KIAA1549: variants seen among roughly 807,000 people sequenced by gnomAD.
KIAA1549 encodes the protein KIAA1549.
A neutral mutation model predicts 156.4 loss-of-function variants in KIAA1549; 70 were observed. The observed-to-expected ratio is 0.45, with a 90% CI of 0.37 to 0.55. KIAA1549 has a LOEUF of 0.55. Ranked by LOEUF, KIAA1549 falls within the 20% of genes least tolerant of loss-of-function variation. The pLI, the probability that KIAA1549 is intolerant of heterozygous loss-of-function variation, is 0.00. For missense variants in KIAA1549, 2,428 were observed against 2,540.9 expected (o/e 0.96, Z 0.96); for synonymous variants, 1,103 against 1,066.4 (o/e 1.03, Z -0.67).
At chr7:138,944,321 T>G (rs1036163333) in intron 1 of KIAA1549, among the ~76,000 whole-genome samples, 3 of 152,182 alleles carry the variant, frequency 2.0e-5, no homozygotes, top group African/African-American at 7.2e-5. Flanking sequence ...TAATATCATT[T>G]GTCATCAAGG....
intron 3 of KIAA1549, 117 bp downstream of exon 3, chr7:138,912,253 CAA>C (rs1294383356): frequency 1.1e-5 from 8 of 754,476 alleles, no homozygotes; most frequent in Non-Finnish European, 1.6e-5. Context: ...CAGGAACAGA[CAA>C]GAGGGAAGAG....
chr7:138,871,508 A>G, intron 12 of KIAA1549, 146 bp from the exon 13 acceptor site: 1 of 629,010 alleles, frequency 1.6e-6, no homozygotes, highest in South Asian at 2.3e-5. Context: ...AGTGTTTACA[A>G]TTTCACTCTC....
chr7:138,969,581 GT>G (rs1159952171), intron 1 of KIAA1549, among the ~76,000 whole-genome samples: 2 of 151,722 alleles, frequency 1.3e-5, no homozygotes, highest in Non-Finnish European at 2.9e-5. Flanking sequence ...GGTTATATGA[GT>G]TTTGTTTTTT....
intron 6 of KIAA1549, 144 bp from the exon 7 acceptor site, chr7:138,905,225 A>G: frequency 1.6e-6 from 1 of 637,874 alleles, no homozygotes; most frequent in Non-Finnish European, 2.8e-6. Flanking sequence ...GGACGTGGAC[A>G]GTAGCCATTT....
chr7:138,937,570 T>A (rs191995344), intron 1 of KIAA1549, among the ~76,000 whole-genome samples: 18 of 152,216 alleles, frequency 1.2e-4, no homozygotes, highest in African/African-American at 4.1e-4. Flanking sequence ...AGCAAGATGC[T>A]GTGATGGACA....
chr7:138,905,600 T>G (rs2130455436), intron 6 of KIAA1549, among the ~76,000 whole-genome samples: 1 of 152,364 alleles, frequency 6.6e-6, no homozygotes, highest in South Asian at 2.1e-4. Flanking sequence ...CTTTTTAGTT[T>G]AATTAACAAT....
chr7:138,891,192 C>T (rs894129330), intron 10 of KIAA1549, among the ~76,000 whole-genome samples: 3 of 152,232 alleles, frequency 2.0e-5, no homozygotes, highest in Admixed American at 6.5e-5. Context: ...GTAACTGAGC[C>T]GGATCTGGTG....
intron 10 of KIAA1549, among the ~76,000 whole-genome samples, chr7:138,889,536 G>T (rs561458741): frequency 6.6e-6 from 1 of 152,230 alleles, no homozygotes; most frequent in South Asian, 2.1e-4. Context: ...TGCGACACAG[G>T]GTCCCTCAAG....
At chr7:138,923,267 G>A (rs1812612841) in intron 1 of KIAA1549, among the ~76,000 whole-genome samples, 3 of 152,220 alleles carry the variant, frequency 2.0e-5, no homozygotes. Flanking sequence ...AAATAGAAGG[G>A]TTATTGCCTC....
rs773386529 is a variant in KIAA1549, at chr7:138,918,711, C to T, written c.915G>A (p.Gly305=). 2.5e-6 allele frequency: 4 copies of T among 1,613,706 alleles called. No homozygotes were observed. Among genetic ancestry groups the T allele is most frequent in the African/African-American group, 2.7e-5 (2 of 74,920 alleles). ...CCTCCTCTGGAGGCTGTGAGACCTC[C>T]CCCAAGGAGGGCAACGGTATAGTAA... ...DGITIPLPSL[G]EVSQPPEEVW... is the part of the protein sequence containing the mutation. Residue 305 remains glycine, a synonymous_variant, in exon 2 of 20, where the codon GGG becomes GGA. Transcript: ENST00000422774. This position sits in a 1 kb window ranked among gnomAD's most constrained non-coding sequence, Gnocchi z 4.2.
intron 1 of KIAA1549, among the ~76,000 whole-genome samples, chr7:138,941,677 G>A (rs1813188199): frequency 6.6e-6 from 1 of 152,204 alleles, no homozygotes; most frequent in Non-Finnish European, 1.5e-5. Flanking sequence ...TACTGACCCT[G>A]AGAAACCCTC....
chr7:138,863,804 T>C (rs1810657429), intron 15 of KIAA1549, among the ~76,000 whole-genome samples: 1 of 152,106 alleles, frequency 6.6e-6, no homozygotes, highest in South Asian at 2.1e-4. Context: ...TATGAGTCCA[T>C]TTCTCCCAAC....
intron 1 of KIAA1549, among the ~76,000 whole-genome samples, chr7:138,927,953 C>T (rs979282884): frequency 1.4e-5 from 2 of 147,852 alleles, no homozygotes; most frequent in Non-Finnish European, 3.0e-5. Context: ...CAGAGTCTTG[C>T]TCTGTCGCCC....
Position 138,919,091 on chromosome 7 carries a change from T to C in KIAA1549, c.535A>G (p.Thr179Ala), listed in dbSNP as rs753242957. The change falls in exon 2 of 20, where the codon ACA (threonine) becomes GCA (alanine). Residue 179 changes from threonine to alanine, a missense_variant. Thr to Ala is a moderately conservative substitution (Grantham distance 58). Around this residue, in one of 5 missense-constraint regions of KIAA1549, gnomAD observed 893 missense variants for 847.9 expected, o/e 1.05. Transcript: ENST00000422774. ...PRMVSPIQYI[T>A]VSPPGLPREA... The stretch of plus-strand genomic sequence containing the variant: ...CTGGGCAGCCCTGGTGGGCTGACTG[T>C]GATATACTGTATTGGAGAAACCATC... 1.2e-6 allele frequency: 2 copies of C among 1,614,016 alleles called. No individual in the cohort carries two copies. The highest frequency in any genetic ancestry group is 1.7e-6 in the Non-Finnish European group (2 of 1,179,878).
intron 1 of KIAA1549, among the ~76,000 whole-genome samples, chr7:138,977,397 T>C (rs1814410296): frequency 6.6e-6 from 1 of 152,230 alleles, no homozygotes; most frequent in Non-Finnish European, 1.5e-5. Context: ...CAAATTTATT[T>C]AACAAGGGCT....
chr7:138,839,377 G>A (rs903711959), intron 19 of KIAA1549, among the ~76,000 whole-genome samples: 11 of 152,184 alleles, frequency 7.2e-5, no homozygotes, highest in African/African-American at 2.4e-4. Flanking sequence ...AGGAATTACC[G>A]ATGCTCATAT....
intron 1 of KIAA1549, among the ~76,000 whole-genome samples, chr7:138,961,019 C>T (rs1348521425): frequency 6.6e-6 from 1 of 152,216 alleles, no homozygotes; most frequent in African/African-American, 2.4e-5. Flanking sequence ...GCAGTTCTGA[C>T]AGAAGGGCCC....
intron 10 of KIAA1549, among the ~76,000 whole-genome samples, chr7:138,888,889 T>C (rs187063335): frequency 5.3e-5 from 8 of 152,310 alleles, no homozygotes; most frequent in Non-Finnish European, 7.4e-5. Context: ...CCTGAGAAAA[T>C]TGATATTGGA....
Position 138,903,846 on chromosome 7 carries a change from TGTGTGTGCGC to T in KIAA1549, c.3521-120_3521-111del, listed in dbSNP as rs1247587328. On this transcript the variant is annotated intron_variant, in intron 7 of 19. Coordinates refer to ENST00000422774, the MANE Select transcript of KIAA1549 (RefSeq NM_001164665.2). ...GTGTGTGTGTGTGTGTGTGTGTGTG[TGTGTGTGCGC>T]GCGCGCGCGCGCGCACATATGTATT... 807 of 386,890 alleles carry T rather than the reference TGTGTGTGCGC, an allele frequency of 2.1e-3. 1 individual carries two copies. The highest frequency in any genetic ancestry group is 2.4e-3 in the African/African-American group (37 of 15,694). 24.0% of individuals were successfully genotyped at this position (386,890 alleles called of 1,614,324 possible). A position where few individuals can be genotyped will look rare whatever the true frequency, so the allele number is the denominator to read the frequency against.
Sources: gnomAD v4.1 joint callset for allele counts (sites outside exome capture counted in the v4.1 genomes callset) on GRCh38, gnomAD v4.1.1 for gene constraint, gnomAD v4.1.1 regional missense constraint, Gnocchi (gnomAD v3.1) non-coding constraint, MANE v1.5 for transcripts, NCBI Gene and HGNC (gene_info 2026-07-23, HGNC 2026-07-21) for gene names.